Variants in CNTNAP2 observed in about 807,000 individuals in gnomAD.
CNTNAP2 encodes contactin associated protein 2, also known as contactin-associated protein-like 2.
A neutral mutation model predicts 155.2 loss-of-function variants in CNTNAP2; 98 were observed. The ratio of observed to expected loss-of-function variants is 0.63; its 90% CI spans 0.54 to 0.75. The LOEUF is 0.75. Among genes scored for constraint, CNTNAP2 ranks in the 30% least tolerant of loss-of-function variants. The pLI is 0.00. For synonymous variants in CNTNAP2, 651 were observed against 631.2 expected, an observed-to-expected ratio of 1.03 and a Z score of -0.47; for missense variants, 1,727 against 1,688.1, an observed-to-expected ratio of 1.02 and a Z score of -0.40.
chr7:146,397,871 C>CTTTTTTTTTTTTTTTT (rs1438446898), intron 1 of CNTNAP2, among the ~76,000 whole-genome samples: 2 of 126,916 alleles, frequency 1.6e-5, no homozygotes, highest in African/African-American at 3.4e-5. Context: ...ATTTGACAGG[C>CTTTTTTTTTTTTTTTT]TTTTATTTAT....
chr7:147,403,434 T>A (rs1796952187), intron 10 of CNTNAP2, among the ~76,000 whole-genome samples: 1 of 152,202 alleles, frequency 6.6e-6, no homozygotes, highest in African/African-American at 2.4e-5. Flanking sequence ...CTAAATTGAT[T>A]GAGACTTCTC....
chr7:148,038,909 T>C (rs1802620267), intron 15 of CNTNAP2, among the ~76,000 whole-genome samples: 1 of 152,164 alleles, frequency 6.6e-6, no homozygotes, highest in Non-Finnish European at 1.5e-5. Flanking sequence ...AATTGGCTCA[T>C]ACAATTATGA....
intron 21 of CNTNAP2, among the ~76,000 whole-genome samples, chr7:148,291,683 G>A (rs1053918454): frequency 1.3e-5 from 2 of 152,126 alleles, no homozygotes; most frequent in Non-Finnish European, 2.9e-5. Context: ...GTCCAATCAA[G>A]TTGACAGTTA....
chr7:146,279,429 A>C (rs1316128082), intron 1 of CNTNAP2, among the ~76,000 whole-genome samples: 1 of 144,612 alleles, frequency 6.9e-6, no homozygotes, highest in Non-Finnish European at 1.5e-5. Context: ...CATTTCCTTA[A>C]ACACACACAC....
intron 8 of CNTNAP2, among the ~76,000 whole-genome samples, chr7:147,221,985 G>A (rs1001295083): frequency 6.6e-5 from 10 of 152,038 alleles, no homozygotes; most frequent in African/African-American, 2.4e-4. Context: ...TGTAGGTAAG[G>A]TGTCACCCAC....
At chr7:146,932,686 C>T (rs947098995) in intron 3 of CNTNAP2, among the ~76,000 whole-genome samples, 6 of 152,126 alleles carry the variant, frequency 3.9e-5, no homozygotes, top group Admixed American at 3.9e-4. Flanking sequence ...ATCTGGAAAA[C>T]CCCATTGTCT....
chr7:148,062,005 AGAT>A (rs1563185611), intron 15 of CNTNAP2, among the ~76,000 whole-genome samples: 1 of 79,140 alleles, frequency 1.3e-5, no homozygotes, highest in African/African-American at 6.4e-5. Flanking sequence ...ATAGATAGAT[AGAT>A]GATAGAGAGA....
Position 147,863,760 on chromosome 7 carries a change from C to T in CNTNAP2, c.2099-39805C>T, listed in dbSNP as rs551223852. On this transcript the variant is annotated intron_variant, in intron 13 of 23. Coordinates refer to ENST00000361727, the MANE Select transcript of CNTNAP2 (RefSeq NM_014141.6). ...GAAGTGTCTGTTAATATCCTTTGCCCGCTTTTTGATGGGGTTGTTTTTTTT... is the reference window on the plus strand; with the variant it reads ...GAAGTGTCTGTTAATATCCTTTGCCTGCTTTTTGATGGGGTTGTTTTTTTT... 5.5e-4 allele frequency among the ~76,000 whole-genome samples: 76 copies of T among 138,316 alleles called. 2 individuals carry two copies. The South Asian group carries it at 0.016, about 29-fold the overall frequency. 90.7% of individuals were successfully genotyped at this position (138,316 alleles called of 152,430 possible). A position where few individuals can be genotyped will look rare whatever the true frequency, so the allele number is the denominator to read the frequency against.
intron 9 of CNTNAP2, among the ~76,000 whole-genome samples, chr7:147,334,923 C>T (rs561215140): frequency 1.6e-4 from 24 of 152,236 alleles, no homozygotes; most frequent in African/African-American, 5.3e-4. Flanking sequence ...GTTTCTTCAG[C>T]GTTTGTTATC....
At chr7:148,253,047 T>TAGAC (rs1554408040) in intron 20 of CNTNAP2, among the ~76,000 whole-genome samples, 17 of 125,686 alleles carry the variant, frequency 1.4e-4, no homozygotes, top group South Asian at 6.2e-4. Flanking sequence ...GATAGATAGA[T>TAGAC]AGACAGATGA....
At chr7:147,784,299 C>A (rs1210426566) in intron 13 of CNTNAP2, among the ~76,000 whole-genome samples, 3 of 148,618 alleles carry the variant, frequency 2.0e-5, no homozygotes, top group African/African-American at 7.4e-5. Flanking sequence ...CATAACAATG[C>A]TCATTTGTTA....
intron 1 of CNTNAP2, among the ~76,000 whole-genome samples, chr7:146,304,712 T>C (rs1179295457): frequency 6.6e-6 from 1 of 152,130 alleles, no homozygotes; most frequent in Admixed American, 6.5e-5. Context: ...ATTTTTTTCC[T>C]TCATTTCAAC....
chr7:147,408,556 C>A (rs1003115568), intron 10 of CNTNAP2, among the ~76,000 whole-genome samples: 1 of 152,126 alleles, frequency 6.6e-6, no homozygotes, highest in African/African-American at 2.4e-5. Flanking sequence ...GTCAGGAGAT[C>A]GAGACCATCC....
chr7:147,604,204 A>T (rs1174571855), intron 12 of CNTNAP2, among the ~76,000 whole-genome samples: 1 of 151,730 alleles, frequency 6.6e-6, no homozygotes, highest in East Asian at 1.9e-4. Flanking sequence ...AATGGCAACA[A>T]AAGCCAAAAT....
At chr7:146,916,950 A>G (rs1796406802) in intron 3 of CNTNAP2, among the ~76,000 whole-genome samples, 1 of 152,164 alleles carries the variant, frequency 6.6e-6, no homozygotes, top group Non-Finnish European at 1.5e-5. Flanking sequence ...TGATGTAGGC[A>G]TATAATGCTA....
intron 8 of CNTNAP2, among the ~76,000 whole-genome samples, chr7:147,132,720 T>C (rs1442906011): frequency 6.6e-6 from 1 of 152,048 alleles, no homozygotes; most frequent in African/African-American, 2.4e-5. Flanking sequence ...AAGGAGAAAA[T>C]TGGTTGAGAT....
intron 3 of CNTNAP2, among the ~76,000 whole-genome samples, chr7:146,908,319 A>C (rs1270530454): frequency 1.1e-4 from 17 of 149,186 alleles, no homozygotes; most frequent in South Asian, 1.1e-3. Context: ...CATCTACAGA[A>C]CTCTCCACCC....
chr7:148,246,571 G>A (rs1247939087), intron 20 of CNTNAP2, among the ~76,000 whole-genome samples: 1 of 150,190 alleles, frequency 6.7e-6, no homozygotes. Flanking sequence ...ATCACAATTT[G>A]AGCAAACCTA....
intron 13 of CNTNAP2, among the ~76,000 whole-genome samples, chr7:147,802,849 A>C (rs563628738): frequency 6.7e-6 from 1 of 149,556 alleles, no homozygotes; most frequent in Non-Finnish European, 1.5e-5. Context: ...AAGTTTTATC[A>C]ACCTGCACTT....
Sources: allele counts gnomAD v4.1 joint callset (sites outside exome capture counted in the v4.1 genomes callset), GRCh38; gene constraint gnomAD v4.1.1; transcripts MANE v1.5; gene names NCBI Gene and HGNC (gene_info 2026-07-23, HGNC 2026-07-21).